SNTG1: variants seen among roughly 807,000 people sequenced by gnomAD.
SNTG1 encodes the protein gamma-1-syntrophin.
In SNTG1, 39 loss-of-function variants were observed where a neutral mutation model predicts 74.7. The ratio of observed to expected loss-of-function variants is 0.52; its 90% CI spans 0.40 to 0.68. The LOEUF is 0.68. Among genes scored for constraint, SNTG1 ranks in the 30% least tolerant of loss-of-function variants. SNTG1 has a pLI of 0.00. For synonymous variants in SNTG1, 254 were observed against 217.1 expected (o/e 1.17, Z -1.49); for missense variants, 685 against 609.5 (o/e 1.12, Z -1.30).
chr8:50,203,103 T>C (rs533267210), intron 2 of SNTG1, among the ~76,000 whole-genome samples: 10 of 152,160 alleles, frequency 6.6e-5, no homozygotes, highest in Non-Finnish European at 1.2e-4. Context: ...TTTTTTGCTT[T>C]TTCCATTTCA....
chr8:50,153,825 C>A (rs1416364029), intron 1 of SNTG1, among the ~76,000 whole-genome samples: 1 of 152,084 alleles, frequency 6.6e-6, no homozygotes, highest in African/African-American at 2.4e-5. Context: ...CTGGGGGGTG[C>A]CTCCCAGTTA....
chr8:50,790,694 C>T (rs887970344), intron 18 of SNTG1, among the ~76,000 whole-genome samples: 6 of 151,838 alleles, frequency 4.0e-5, no homozygotes, highest in African/African-American at 1.2e-4. Context: ...CCTGCTTTCT[C>T]TTCTAATCAC....
At chr8:49,941,753 G>A (rs558386462) in intron 1 of SNTG1, among the ~76,000 whole-genome samples, 4 of 152,110 alleles carry the variant, frequency 2.6e-5, no homozygotes, top group Admixed American at 2.6e-4. Flanking sequence ...TCTAATTGAA[G>A]GGTAGGAAGC....
At chr8:50,430,625 G>A (rs2093223666) in intron 4 of SNTG1, among the ~76,000 whole-genome samples, 11 of 152,306 alleles carry the variant, frequency 7.2e-5, no homozygotes, top group Admixed American at 5.9e-4. Context: ...GTTCTAAGGG[G>A]TGTTTTATTG....
intron 18 of SNTG1, among the ~76,000 whole-genome samples, chr8:50,756,954 T>C (rs2095582102): frequency 3.3e-5 from 5 of 151,948 alleles, no homozygotes; most frequent in Admixed American, 3.3e-4. Context: ...GTTTGATAGT[T>C]TTCCTCTTAT....
At chr8:50,382,450 A>C (rs1280257592) in intron 2 of SNTG1, among the ~76,000 whole-genome samples, 2 of 152,174 alleles carry the variant, frequency 1.3e-5, no homozygotes, top group Admixed American at 1.3e-4. Context: ...CGAAATCCAA[A>C]TATGACTAGC....
intron 13 of SNTG1, among the ~76,000 whole-genome samples, chr8:50,627,957 A>G (rs2094968018): frequency 6.6e-6 from 1 of 152,122 alleles, no homozygotes; most frequent in Admixed American, 6.6e-5. Context: ...CCCAACCTTC[A>G]GCCCCTCTCT....
intron 2 of SNTG1, among the ~76,000 whole-genome samples, chr8:50,303,437 A>G (rs914972468): frequency 2.6e-5 from 4 of 152,014 alleles, no homozygotes; most frequent in Non-Finnish European, 5.9e-5. Flanking sequence ...ATATTCATAG[A>G]TACTTAATAT....
At chr8:50,039,763 C>T (rs186647449) in intron 1 of SNTG1, among the ~76,000 whole-genome samples, 66 of 152,154 alleles carry the variant, frequency 4.3e-4, no homozygotes, top group African/African-American at 1.6e-3. Flanking sequence ...CGTTTTATTT[C>T]TAATTGGTCA....
At chr8:50,758,657 C>T (rs373912220) in intron 18 of SNTG1, among the ~76,000 whole-genome samples, 2 of 151,976 alleles carry the variant, frequency 1.3e-5, no homozygotes, top group African/African-American at 2.4e-5. Flanking sequence ...TGAACTCATC[C>T]GTTTTTATGG....
At chr8:50,660,237 A>AGAAG (rs60085565) in intron 15 of SNTG1, among the ~76,000 whole-genome samples, 20,571 of 145,864 alleles carry the variant, frequency 0.14, 2,172 homozygotes, top group African/African-American at 0.31. Flanking sequence ...AGAAAAGGAA[A>AGAAG]GAAGGAAGGA....
intron 8 of SNTG1, among the ~76,000 whole-genome samples, chr8:50,459,274 C>G (rs370632817): frequency 6.6e-6 from 1 of 151,994 alleles, no homozygotes; most frequent in East Asian, 1.9e-4. Context: ...TAACTTTGTA[C>G]TATGTTTTGA....
chr8:49,916,283 G>C (rs1806026035), intron 1 of SNTG1, among the ~76,000 whole-genome samples: 1 of 151,848 alleles, frequency 6.6e-6, no homozygotes, highest in Admixed American at 6.6e-5. Context: ...AATGTCTTGA[G>C]GCCAGAGAAT....
intron 2 of SNTG1, among the ~76,000 whole-genome samples, chr8:50,223,094 G>A (rs1235337191): frequency 1.3e-5 from 2 of 151,868 alleles, no homozygotes; most frequent in African/African-American, 4.8e-5. Context: ...AATTTTCCAG[G>A]ACCAACTCAA....
chr8:50,336,955 A>G (rs1253214322), intron 2 of SNTG1, among the ~76,000 whole-genome samples: 1 of 152,276 alleles, frequency 6.6e-6, no homozygotes, highest in South Asian at 2.1e-4. Flanking sequence ...AAAGAAAATA[A>G]CTTTTTATTT....
At chr8:50,364,513 A>G (rs2131096105) in intron 2 of SNTG1, among the ~76,000 whole-genome samples, 1 of 152,300 alleles carries the variant, frequency 6.6e-6, no homozygotes, top group African/African-American at 2.4e-5. Flanking sequence ...ATGGGTGAGA[A>G]CAACTTTAGT....
intron 2 of SNTG1, among the ~76,000 whole-genome samples, chr8:50,184,276 C>T (rs1444431728): frequency 2.0e-5 from 3 of 152,030 alleles, no homozygotes; most frequent in Non-Finnish European, 2.9e-5. Flanking sequence ...AGCAATTCTC[C>T]TGCCTCAGCC....
intron 17 of SNTG1, among the ~76,000 whole-genome samples, chr8:50,737,545 C>T (rs79177411): frequency 0.045 from 6,899 of 152,106 alleles, 260 homozygotes; most frequent in African/African-American, 0.1. Flanking sequence ...GGGACTCCTC[C>T]CTAACTCATT....
At chr8:50,081,595 G>A (rs953664771) in intron 1 of SNTG1, among the ~76,000 whole-genome samples, 1 of 151,976 alleles carries the variant, frequency 6.6e-6, no homozygotes, top group Non-Finnish European at 1.5e-5. Flanking sequence ...ACAGGTGTCT[G>A]AAGGCCTGTT....
Sources: gnomAD v4.1 joint callset for allele counts (sites outside exome capture counted in the v4.1 genomes callset) on GRCh38, gnomAD v4.1.1 for gene constraint, MANE v1.5 for transcripts, NCBI Gene and HGNC (gene_info 2026-07-23, HGNC 2026-07-21) for gene names.